The following AKAP6 variants were observed in gnomAD, a reference collection of about 807,000 sequenced individuals.
AKAP6 encodes the protein A-kinase anchoring protein 6.
In AKAP6, 58 loss-of-function variants were observed where a neutral mutation model predicts 188.5. That is an observed-to-expected ratio of 0.31 (90% CI 0.25 to 0.38). The LOEUF (loss-of-function observed/expected upper bound fraction) is 0.38, where lower values mean the gene tolerates loss of function less well. Among genes scored for constraint, AKAP6 ranks in the 10% least tolerant of loss-of-function variants. The probability of loss-of-function intolerance (pLI) is 1.00; values close to 1 mark genes in which losing one functional copy is unlikely to be tolerated. For missense variants in AKAP6, 2,710 were observed against 2,740.0 expected (o/e 0.99, Z 0.24); for synonymous variants, 989 against 998.6 (o/e 0.99, Z 0.18).
chr14:32,689,286 T>C (rs1000396416), intron 8 of AKAP6, among the ~76,000 whole-genome samples: 1 of 152,168 alleles, frequency 6.6e-6, no homozygotes, highest in African/African-American at 2.4e-5. Flanking sequence ...TGTTATAGAT[T>C]ATCTCGTTGG....
rs1879590175 is a variant in AKAP6 at position 32,484,858 on chromosome 14, G to T, written c.325-50696G>T. On this transcript the variant is annotated intron_variant, in intron 2 of 13. Coordinates refer to ENST00000280979, the MANE Select transcript of AKAP6 (RefSeq NM_004274.5). Reference sequence around the variant, plus strand: ...ATTGGACTGTAAATCTAAAGACAGGGGCTAAGCCTCTTTTTACCAGCTCTG... The same window carrying T: ...ATTGGACTGTAAATCTAAAGACAGGTGCTAAGCCTCTTTTTACCAGCTCTG... The T allele has an allele frequency of 9.1e-6, 2 of 220,394 alleles. 1 individual carries two copies. Among genetic ancestry groups the T allele is most frequent in the Non-Finnish European group, 1.3e-5 (2 of 151,264 alleles). The allele number at this position is 220,394 out of a possible 1,614,324, so 13.7% of individuals were successfully genotyped here. A position where few individuals can be genotyped will look rare whatever the true frequency, so the allele number is the denominator to read the frequency against.
chr14:32,713,913 C>G (rs1442985599), intron 9 of AKAP6, among the ~76,000 whole-genome samples: 4 of 152,046 alleles, frequency 2.6e-5, no homozygotes, highest in Non-Finnish European at 1.5e-5. Flanking sequence ...ACTTGGCTAA[C>G]TGGCACAAGA....
chr14:32,413,175 A>ATTTCTTTTT (rs1491566130), intron 1 of AKAP6, among the ~76,000 whole-genome samples: 17 of 60,472 alleles, frequency 2.8e-4, no homozygotes, highest in African/African-American at 6.3e-4. Flanking sequence ...ATTTATTGAA[A>ATTTCTTTTT]TTTTTTTTTT....
At chr14:32,376,321 T>C (rs535162530) in intron 1 of AKAP6, among the ~76,000 whole-genome samples, 1 of 152,334 alleles carries the variant, frequency 6.6e-6, no homozygotes, top group East Asian at 1.9e-4. Context: ...CCTTAGTTGC[T>C]TTTAAGTGAG....
intron 9 of AKAP6, among the ~76,000 whole-genome samples, chr14:32,720,775 C>T (rs150490252): frequency 8.7e-4 from 133 of 152,206 alleles, no homozygotes; most frequent in African/African-American, 3.1e-3. Context: ...AGCCCAGGAA[C>T]TCAAGGCTAT....
intron 4 of AKAP6, among the ~76,000 whole-genome samples, chr14:32,575,781 A>G (rs551462062): frequency 4.1e-4 from 63 of 152,290 alleles, no homozygotes; most frequent in African/African-American, 1.5e-3. Flanking sequence ...GGGAAACCAT[A>G]TGATGTACCA....
chr14:32,818,111 A>G (rs1432561706), intron 12 of AKAP6, among the ~76,000 whole-genome samples: 1 of 152,182 alleles, frequency 6.6e-6, no homozygotes, highest in East Asian at 1.9e-4. Flanking sequence ...GCACTTCTTT[A>G]ATATGAAAAA....
chr14:32,534,335 C>A (rs1240240939), intron 2 of AKAP6, among the ~76,000 whole-genome samples: 1 of 152,042 alleles, frequency 6.6e-6, no homozygotes, highest in East Asian at 1.9e-4. Flanking sequence ...GCAACTGAGC[C>A]CTTTTAGCTG....
Position 32,385,908 on chromosome 14 carries a change from TGTA to T in AKAP6, c.-34-47549_-34-47547del, listed in dbSNP as rs1326123692. Among the ~76,000 whole-genome samples the T allele has an allele frequency of 4.7e-5, 7 of 148,974 alleles. No individual in the cohort carries two copies. In the East Asian group the frequency reaches 9.7e-4, roughly 21 times the overall value. ...TATCACAGTTCATATATATTGTACA[TGTA>T]GTCATATATTATAGTTCATATATTA... On this transcript the variant is annotated intron_variant, in intron 1 of 13. Coordinates refer to ENST00000280979, the MANE Select transcript of AKAP6 (RefSeq NM_004274.5).
At position 32,821,598 on chromosome 14, in the gene AKAP6, A is replaced by G; in HGVS notation, c.3785A>G (p.Asp1262Gly). Reference sequence around the variant, plus strand: ...ACAAGTAATGAGGACCCTGGTTATGACGAGGAGGCTGATAACCATGGGGGA... The same window carrying G: ...ACAAGTAATGAGGACCCTGGTTATGGCGAGGAGGCTGATAACCATGGGGGA... The part of the protein sequence containing the change: ...GETSNEDPGY[D>G]EEADNHGGSQ... The change falls in exon 13 of 14, where the codon GAC becomes GGC. Residue 1262 changes from aspartate (D) to glycine (G), a missense_variant. Coordinates refer to ENST00000280979, the MANE Select transcript of AKAP6 (RefSeq NM_004274.5). The G allele has an allele frequency of 6.2e-7, 1 of 1,613,734 alleles. No individual in the cohort carries two copies. Among genetic ancestry groups the G allele is most frequent in the Non-Finnish European group, 8.5e-7 (1 of 1,179,866 alleles).
At chr14:32,381,200 C>T (rs1439298285) in intron 1 of AKAP6, among the ~76,000 whole-genome samples, 2 of 151,926 alleles carry the variant, frequency 1.3e-5, no homozygotes, top group Non-Finnish European at 2.9e-5. Context: ...TTTAGCTGGG[C>T]CTGGTGGCAC....
chr14:32,607,788 A>G (rs1886182375), intron 7 of AKAP6, among the ~76,000 whole-genome samples: 1 of 152,186 alleles, frequency 6.6e-6, no homozygotes, highest in African/African-American at 2.4e-5. Flanking sequence ...CTGTGCAGAA[A>G]TATTTCTAAA....
intron 1 of AKAP6, among the ~76,000 whole-genome samples, chr14:32,332,215 C>T (rs929636089): frequency 2.0e-5 from 3 of 152,056 alleles, no homozygotes; most frequent in African/African-American, 7.2e-5. Flanking sequence ...TGCGATCTGG[C>T]TATGCAGCAC....
chr14:32,649,783 A>G (rs1011298319), intron 7 of AKAP6, among the ~76,000 whole-genome samples: 2 of 152,190 alleles, frequency 1.3e-5, no homozygotes, highest in Non-Finnish European at 2.9e-5. Flanking sequence ...TTTCATCAGA[A>G]TAATATAAAA....
At chr14:32,632,448 A>C (rs1434795274) in intron 7 of AKAP6, among the ~76,000 whole-genome samples, 1 of 152,096 alleles carries the variant, frequency 6.6e-6, no homozygotes, top group East Asian at 1.9e-4. Flanking sequence ...TCTCCTATAA[A>C]ATATTTTGTA....
At chr14:32,572,391 C>T (rs574572931) in intron 4 of AKAP6, among the ~76,000 whole-genome samples, 8 of 152,342 alleles carry the variant, frequency 5.3e-5, no homozygotes, top group African/African-American at 7.2e-5. Flanking sequence ...AATCACCCTT[C>T]GACTTTCAGT....
At chr14:32,812,066 G>A (rs2140118278) in intron 12 of AKAP6, among the ~76,000 whole-genome samples, 1 of 152,278 alleles carries the variant, frequency 6.6e-6, no homozygotes, top group East Asian at 1.9e-4. Flanking sequence ...AGGCAAAGGT[G>A]AGGCAAAAAT....
intron 12 of AKAP6, among the ~76,000 whole-genome samples, chr14:32,778,395 A>G (rs2033133757): frequency 6.6e-6 from 1 of 152,218 alleles, no homozygotes; most frequent in Admixed American, 6.5e-5. Context: ...AGTCAAACGT[A>G]TGACAACAAA....
chr14:32,669,621 TCATC>T (rs769380761), intron 7 of AKAP6, among the ~76,000 whole-genome samples: 3 of 152,314 alleles, frequency 2.0e-5, no homozygotes, highest in East Asian at 3.9e-4. Context: ...CCAAGTGTAT[TCATC>T]CATTCTCACG....
Sources: gnomAD v4.1 joint callset for allele counts (sites outside exome capture counted in the v4.1 genomes callset) on GRCh38, gnomAD v4.1.1 for gene constraint, MANE v1.5 for transcripts, NCBI Gene and HGNC (gene_info 2026-07-23, HGNC 2026-07-21) for gene names.